Variants in TBCK observed in about 807,000 individuals in gnomAD.
The protein encoded by TBCK is TBC1 domain containing kinase.
In TBCK, 99 loss-of-function variants were observed where a neutral mutation model predicts 113.4. The observed-to-expected ratio is 0.87, with a 90% CI of 0.74 to 1.03. TBCK has a LOEUF of 1.03. Ranked by LOEUF, TBCK falls within the 50% of genes least tolerant of loss-of-function variation. The pLI is 0.00. For missense variants in TBCK, 1,045 were observed against 1,061.3 expected (o/e 0.98, Z 0.21); for synonymous variants, 369 against 370.8 (o/e 1.00, Z 0.05).
chr4:106,055,576 A>T (rs1192794774), intron 25 of TBCK, among the ~76,000 whole-genome samples: 1 of 150,832 alleles, frequency 6.6e-6, no homozygotes, highest in Admixed American at 6.6e-5. Flanking sequence ...ACACACACAC[A>T]TATATATAAT....
intron 5 of TBCK, among the ~76,000 whole-genome samples, chr4:106,253,519 A>G (rs990683940): frequency 1.3e-5 from 2 of 152,240 alleles, no homozygotes; most frequent in South Asian, 2.1e-4. Context: ...TTCATTACAC[A>G]ATGCCAAATG....
At chr4:106,071,844 T>G (rs185812467) in intron 25 of TBCK, among the ~76,000 whole-genome samples, 5 of 152,362 alleles carry the variant, frequency 3.3e-5, no homozygotes, top group African/African-American at 7.2e-5. Context: ...CCCTTTACTA[T>G]TATGTAATGG....
At chr4:106,143,972 T>C (rs1218120906) in intron 23 of TBCK, among the ~76,000 whole-genome samples, 1 of 149,108 alleles carries the variant, frequency 6.7e-6, no homozygotes, top group African/African-American at 2.5e-5. Context: ...CAACCTAACA[T>C]ATGAAGAATC....
At chr4:106,099,422 T>C (rs1741290590) in intron 24 of TBCK, among the ~76,000 whole-genome samples, 2 of 152,112 alleles carry the variant, frequency 1.3e-5, no homozygotes, top group Non-Finnish European at 2.9e-5. Context: ...TCTGCTGGGT[T>C]AACTAATTAT....
chr4:106,094,720 T>A (rs1209981275), intron 25 of TBCK, among the ~76,000 whole-genome samples: 2 of 152,200 alleles, frequency 1.3e-5, no homozygotes, highest in Non-Finnish European at 2.9e-5. Flanking sequence ...TTGGTAAATT[T>A]GGGAAGGCTC....
chr4:106,172,648 G>A (rs1484145217), intron 22 of TBCK, among the ~76,000 whole-genome samples: 2 of 152,078 alleles, frequency 1.3e-5, no homozygotes, highest in East Asian at 3.9e-4. Context: ...GGGCTTGTAA[G>A]GGGAAAAGGA....
chr4:106,119,512 T>C (rs960992776), intron 23 of TBCK, among the ~76,000 whole-genome samples: 4 of 152,024 alleles, frequency 2.6e-5, no homozygotes, highest in African/African-American at 7.3e-5. Flanking sequence ...AAAAATCAGA[T>C]AAAGATGAAT....
intron 25 of TBCK, among the ~76,000 whole-genome samples, chr4:106,089,583 A>C (rs1421479218): frequency 6.6e-6 from 1 of 152,150 alleles, no homozygotes; most frequent in African/African-American, 2.4e-5. Flanking sequence ...TCATCTGGAG[A>C]TGAGTCCATT....
At chr4:106,071,106 G>T (rs1737375132) in intron 25 of TBCK, among the ~76,000 whole-genome samples, 1 of 151,980 alleles carries the variant, frequency 6.6e-6, no homozygotes, top group South Asian at 2.1e-4. Flanking sequence ...CTTCAGTTCT[G>T]CTCTAATCTT....
intron 19 of TBCK, among the ~76,000 whole-genome samples, chr4:106,225,642 A>G (rs552689674): frequency 6.6e-6 from 1 of 152,092 alleles, no homozygotes; most frequent in Non-Finnish European, 1.5e-5. Flanking sequence ...TATTTTTAGT[A>G]GAGACAGGGT....
chr4:106,234,955 T>C (rs1004600436), intron 15 of TBCK, among the ~76,000 whole-genome samples: 2 of 152,152 alleles, frequency 1.3e-5, no homozygotes, highest in Admixed American at 6.6e-5. Context: ...ATAACAAGCA[T>C]ACTTTATAAG....
intron 23 of TBCK, among the ~76,000 whole-genome samples, chr4:106,147,599 C>T (rs1004598760): frequency 2.0e-5 from 3 of 152,132 alleles, no homozygotes; most frequent in African/African-American, 7.2e-5. Context: ...GGACACTTAT[C>T]ACTTCCCCAA....
At chr4:106,247,311 G>T in intron 9 of TBCK, 24 bp from the exon 10 acceptor site, 1 of 1,604,508 alleles carries the variant, frequency 6.2e-7, no homozygotes, top group Non-Finnish European at 8.5e-7. Context: ...AAAATACAGA[G>T]CATGAATGAA....
chr4:106,215,381 T>A (rs1756752356), intron 19 of TBCK, among the ~76,000 whole-genome samples: 1 of 152,070 alleles, frequency 6.6e-6, no homozygotes, highest in African/African-American at 2.4e-5. Context: ...ACTTTAAATG[T>A]AAATGGACTA....
chr4:106,268,428 A>G (rs139689736), intron 3 of TBCK, among the ~76,000 whole-genome samples: 81 of 152,220 alleles, frequency 5.3e-4, no homozygotes, highest in African/African-American at 1.7e-3. Context: ...TTCAATAAGC[A>G]TGTATTAAAA....
intron 20 of TBCK, among the ~76,000 whole-genome samples, chr4:106,204,212 T>C (rs1755195397): frequency 6.6e-6 from 1 of 152,180 alleles, no homozygotes; most frequent in South Asian, 2.1e-4. Context: ...TCTACATCAA[T>C]GGTAAGAGGG....
chr4:106,112,655 C>A (rs1374216906), intron 24 of TBCK, among the ~76,000 whole-genome samples: 1 of 152,148 alleles, frequency 6.6e-6, no homozygotes, highest in African/African-American at 2.4e-5. Flanking sequence ...CTGGAGCCCA[C>A]CCTGTATGCA....
chr4:106,107,028 T>TA (rs139358012), intron 24 of TBCK, among the ~76,000 whole-genome samples: 34,527 of 151,062 alleles, frequency 0.23, 3,928 homozygotes, highest in South Asian at 0.27. Flanking sequence ...CAACAACGAT[T>TA]TAAAAAAAAA....
intron 20 of TBCK, among the ~76,000 whole-genome samples, chr4:106,209,441 C>T (rs1032768995): frequency 1.3e-5 from 2 of 152,094 alleles, no homozygotes; most frequent in Non-Finnish European, 2.9e-5. Flanking sequence ...TCAATCCTCT[C>T]TTTTTAAATT....
Sources: allele counts gnomAD v4.1 joint callset (sites outside exome capture counted in the v4.1 genomes callset), GRCh38; gene constraint gnomAD v4.1.1; transcripts MANE v1.5; gene names NCBI Gene and HGNC (gene_info 2026-07-23, HGNC 2026-07-21).